MCTP1: variants seen among roughly 807,000 people sequenced by gnomAD.
The protein encoded by MCTP1 is multiple C2 and transmembrane domain containing 1, also known as multiple C2 and transmembrane domain-containing protein 1.
In MCTP1, 69 loss-of-function variants were observed where a neutral mutation model predicts 120.6. That is an observed-to-expected ratio of 0.57 (90% CI 0.47 to 0.70). The LOEUF (loss-of-function observed/expected upper bound fraction) is 0.70. Ranked by LOEUF, MCTP1 falls within the 30% of genes least tolerant of loss-of-function variation. The pLI is 0.00. For synonymous variants in MCTP1, 529 were observed against 493.1 expected, an observed-to-expected ratio of 1.07 and a Z score of -0.96; for missense variants, 1,203 against 1,248.8, an observed-to-expected ratio of 0.96 and a Z score of 0.55.
chr5:95,026,475 A>G (rs1289176879), intron 1 of MCTP1, among the ~76,000 whole-genome samples: 6 of 152,030 alleles, frequency 3.9e-5, no homozygotes, highest in Non-Finnish European at 2.9e-5. Flanking sequence ...TCTGGTAACC[A>G]TCCTTCTACT....
At chr5:94,840,501 G>T (rs1790779063) in intron 17 of MCTP1, among the ~76,000 whole-genome samples, 1 of 152,190 alleles carries the variant, frequency 6.6e-6, no homozygotes, top group South Asian at 2.1e-4. Context: ...GGGATGGCTT[G>T]ATTGGGACTT....
intron 3 of MCTP1, among the ~76,000 whole-genome samples, chr5:94,947,569 TA>T (rs1819294201): frequency 1.9e-5 from 1 of 51,314 alleles, no homozygotes; most frequent in Non-Finnish European, 3.6e-5. Context: ...TATATATATA[TA>T]TATATATAGA....
chr5:94,712,557 T>C (rs1757446375), intron 20 of MCTP1, among the ~76,000 whole-genome samples: 1 of 152,120 alleles, frequency 6.6e-6, no homozygotes, highest in Non-Finnish European at 1.5e-5. Context: ...TTTGTCTCTC[T>C]CTAGGTCAAA....
intron 17 of MCTP1, among the ~76,000 whole-genome samples, chr5:94,803,640 T>G (rs538046798): frequency 1.3e-5 from 2 of 152,282 alleles, no homozygotes; most frequent in South Asian, 4.1e-4. Flanking sequence ...TACATATAAT[T>G]TTTTTTGGCC....
intron 17 of MCTP1, among the ~76,000 whole-genome samples, chr5:94,860,056 C>T (rs142880211): frequency 1.8e-3 from 275 of 151,594 alleles, no homozygotes; most frequent in South Asian, 6.2e-3. Flanking sequence ...AATATATTTA[C>T]ATATTATTGG....
chr5:94,870,028 G>A (rs1403550086), intron 16 of MCTP1, among the ~76,000 whole-genome samples: 1 of 152,040 alleles, frequency 6.6e-6, no homozygotes, highest in Non-Finnish European at 1.5e-5. Flanking sequence ...ATACCTGTGG[G>A]TGGTCTGGAC....
intron 1 of MCTP1, among the ~76,000 whole-genome samples, chr5:95,027,001 T>C (rs929068182): frequency 1.3e-5 from 2 of 152,206 alleles, no homozygotes; most frequent in Non-Finnish European, 2.9e-5. Context: ...ACTGAAAACC[T>C]GTACAGTGAA....
intron 1 of MCTP1, among the ~76,000 whole-genome samples, chr5:95,062,829 T>C (rs1749615635): frequency 6.6e-6 from 1 of 152,104 alleles, no homozygotes; most frequent in African/African-American, 2.4e-5. Context: ...GTTGTTTTGT[T>C]TTTTTTGAAA....
rs187799855 is a variant in MCTP1, at chr5:95,225,987, T to C, written c.720+57869A>G. Among the ~76,000 whole-genome samples the C allele has an allele frequency of 5.0e-3, 766 of 152,324 alleles. 7 individuals are homozygous for C. Among genetic ancestry groups the C allele is most frequent in the Admixed American group, 8.1e-3 (124 of 15,290 alleles). ...TCCCTAAGAGATGGATGAAAGTATA[T>C]CATCTCTAATTTTATTTTTTAAATT... On this transcript the variant is annotated intron_variant, in intron 1 of 22. Coordinates refer to ENST00000515393, the MANE Select transcript of MCTP1 (RefSeq NM_024717.7).
Position 94,819,769 on chromosome 5 carries a change from T to C in MCTP1, c.2437-20637A>G, listed in dbSNP as rs76499021. On this transcript the variant is annotated intron_variant, in intron 17 of 22. Transcript: ENST00000515393. The stretch of plus-strand genomic sequence containing the variant: ...AAAATTTTACCTAACAGCAGGAGGA[T>C]TGTAGGCACAATATTTTACCATTGA... Among the ~76,000 whole-genome samples, 434 of 152,328 alleles carry C rather than the reference T, an allele frequency of 2.8e-3. 3 individuals carry two copies. The highest frequency in any genetic ancestry group is 1.0e-2 in the African/African-American group (415 of 41,574).
intron 1 of MCTP1, among the ~76,000 whole-genome samples, chr5:95,019,754 C>T (rs1581873050): frequency 6.6e-6 from 1 of 151,948 alleles, no homozygotes; most frequent in South Asian, 2.1e-4. Flanking sequence ...TATCTTCCTT[C>T]AGCACATATT....
chr5:95,284,373 G>A lies in MCTP1; in HGVS notation c.203C>T (p.Pro68Leu). ...GCTGCCTGCACCACTCCCCCTGGCC[G>A]GTGCATTCCCTGTGCCCACCGGGGG... Reference protein sequence around the residue: ...PPPPVGTGNAPARGSGAGSRW... With the variant: ...PPPPVGTGNALARGSGAGSRW... The change falls in exon 1 of 23, where the codon CCG (proline) becomes CTG (leucine). Residue 68 changes from proline (P) to leucine (L), a missense_variant. Pro to Leu is a moderately conservative substitution (Grantham distance 98). Transcript: ENST00000515393. The surrounding 1 kb of genome is among the most constrained non-coding windows in gnomAD (Gnocchi z 5.2). 1 of 1,595,506 alleles carries A rather than the reference G, an allele frequency of 6.3e-7. No individual in the cohort carries two copies. Among genetic ancestry groups the A allele is most frequent in the Non-Finnish European group, 8.5e-7 (1 of 1,178,866 alleles).
intron 12 of MCTP1, among the ~76,000 whole-genome samples, chr5:94,876,309 T>C (rs944874700): frequency 2.0e-5 from 3 of 152,148 alleles, no homozygotes; most frequent in Non-Finnish European, 4.4e-5. Flanking sequence ...TCATTCCATT[T>C]AGGCCCTCTG....
intron 17 of MCTP1, among the ~76,000 whole-genome samples, chr5:94,848,347 A>G (rs1792942004): frequency 6.6e-6 from 1 of 152,050 alleles, no homozygotes; most frequent in Non-Finnish European, 1.5e-5. Flanking sequence ...AAGTCACTCA[A>G]GTTACTTATT....
chr5:95,256,115 C>T (rs1757861682), intron 1 of MCTP1, among the ~76,000 whole-genome samples: 1 of 152,092 alleles, frequency 6.6e-6, no homozygotes, highest in Non-Finnish European at 1.5e-5. Flanking sequence ...ATTATTTCCT[C>T]CTTTGCTTTC....
At chr5:95,200,848 T>C (rs771006092) in intron 1 of MCTP1, among the ~76,000 whole-genome samples, 1 of 152,228 alleles carries the variant, frequency 6.6e-6, no homozygotes, top group Non-Finnish European at 1.5e-5. Flanking sequence ...ATATGTTAAT[T>C]AGCTCAATTT....
intron 1 of MCTP1, among the ~76,000 whole-genome samples, chr5:95,050,455 G>C (rs1436913221): frequency 3.3e-5 from 5 of 152,154 alleles, no homozygotes; most frequent in African/African-American, 1.2e-4. Flanking sequence ...GTGGGGATGA[G>C]AGTAGAAATG....
At chr5:94,891,990 T>C (rs1380329265) in intron 11 of MCTP1, among the ~76,000 whole-genome samples, 2 of 151,212 alleles carry the variant, frequency 1.3e-5, no homozygotes, top group African/African-American at 4.9e-5. Flanking sequence ...TGGAGAGGAG[T>C]CCTCTTTATT....
chr5:95,240,325 T>C (rs1460102018), intron 1 of MCTP1, among the ~76,000 whole-genome samples: 1 of 152,226 alleles, frequency 6.6e-6, no homozygotes, highest in Non-Finnish European at 1.5e-5. Flanking sequence ...TTGAGAATCA[T>C]GCCTTGCACA....
Sources: allele counts gnomAD v4.1 joint callset (sites outside exome capture counted in the v4.1 genomes callset), GRCh38; gene constraint gnomAD v4.1.1; non-coding constraint Gnocchi (gnomAD v3.1); transcripts MANE v1.5; gene names NCBI Gene and HGNC (gene_info 2026-07-23, HGNC 2026-07-21).